PCSK5: variants seen among roughly 807,000 people sequenced by gnomAD.
PCSK5 encodes proprotein convertase subtilisin/kexin type 5.
A neutral mutation model predicts 233.2 loss-of-function variants in PCSK5; 129 were observed. The observed-to-expected ratio is 0.55, with a 90% CI of 0.48 to 0.64. PCSK5 has a LOEUF of 0.64. Ranked by LOEUF, PCSK5 falls within the 30% of genes least tolerant of loss-of-function variation. The pLI is 0.00. For synonymous variants in PCSK5, 825 were observed against 879.2 expected (o/e 0.94, Z 1.09); for missense variants, 2,076 against 2,430.1 (o/e 0.85, Z 3.06).
chr9:76,094,489 T>C (rs938308937), intron 7 of PCSK5, among the ~76,000 whole-genome samples: 2 of 152,230 alleles, frequency 1.3e-5, no homozygotes, highest in Non-Finnish European at 2.9e-5. Context: ...CCAGAAATAC[T>C]TTCCATTTTG....
At chr9:76,257,284 C>A (rs1011268258) in intron 24 of PCSK5, among the ~76,000 whole-genome samples, 1 of 152,094 alleles carries the variant, frequency 6.6e-6, no homozygotes, top group Admixed American at 6.6e-5. Flanking sequence ...GAGCTTCAAG[C>A]TCCACTGGTT....
Position 75,977,696 on chromosome 9 carries a change from C to T in PCSK5, c.298-8436C>T, listed in dbSNP as rs562138205. Among the ~76,000 whole-genome samples, 117 of 151,298 alleles carry T rather than the reference C, an allele frequency of 7.7e-4. 1 individual carries two copies. The highest frequency in any genetic ancestry group is 2.0e-3 in the African/African-American group (81 of 41,244). On this transcript the variant is annotated intron_variant, in intron 2 of 37. Coordinates refer to ENST00000674117, the MANE Select transcript of PCSK5 (RefSeq NM_001372043.1). ...CGTGATCTCAGCTCACTGCAACCTC[C>T]ACCTCCTGGGTTCAAGCAATTCTCC...
At chr9:76,038,536 GTGT>G (rs1828961543) in intron 5 of PCSK5, among the ~76,000 whole-genome samples, 1 of 152,116 alleles carries the variant, frequency 6.6e-6, no homozygotes, top group Non-Finnish European at 1.5e-5. Flanking sequence ...TGGGAAATAG[GTGT>G]TGTTATACTT....
intron 30 of PCSK5, among the ~76,000 whole-genome samples, chr9:76,311,368 T>A (rs1236790848): frequency 1.3e-5 from 2 of 150,578 alleles, no homozygotes; most frequent in Non-Finnish European, 3.0e-5. Context: ...AAAAAAAAAA[T>A]TATTTTCCCA....
chr9:76,073,773 C>G (rs1050433877), intron 7 of PCSK5, among the ~76,000 whole-genome samples: 1 of 152,048 alleles, frequency 6.6e-6, no homozygotes, highest in African/African-American at 2.4e-5. Flanking sequence ...TACTAACAGA[C>G]TAGTAGGCGT....
chr9:76,159,180 G>A lies in PCSK5; in HGVS notation c.1619+9G>A. ...CAGCTTTTGGCCAACAGGTACAGCA[G>A]TGGTCTCTGCCCACCAGTGTAGTAG... On this transcript the variant is annotated intron_variant, in intron 12 of 37. Transcript: ENST00000674117. 1 of 1,613,462 alleles carries A rather than the reference G, an allele frequency of 6.2e-7. No individual in the cohort carries two copies. Among genetic ancestry groups the A allele is most frequent in the Non-Finnish European group, 8.5e-7 (1 of 1,179,534 alleles).
rs146540550 is a variant in PCSK5 at position 76,354,334 on chromosome 9, T to C, written c.5254+115T>C. 3.7e-4 allele frequency: 283 copies of C among 756,242 alleles called. No individual in the cohort carries two copies. In the African/African-American group the frequency reaches 4.5e-3, roughly 12 times the overall value. The allele number at this position is 756,242 out of a possible 1,614,324, so 46.8% of individuals were successfully genotyped here. A position where few individuals can be genotyped will look rare whatever the true frequency, so the allele number is the denominator to read the frequency against. ...GAGAATCAATATGGCTACCTTTTTA[T>C]TGAGTGCCTACTATGGGCCTACTGT... On this transcript the variant is annotated intron_variant, in intron 37 of 37. Coordinates refer to ENST00000674117, the MANE Select transcript of PCSK5 (RefSeq NM_001372043.1).
At position 76,296,823 on chromosome 9, in the gene PCSK5, G is replaced by A. The variant is rs369174503; in HGVS notation, c.3481G>A (p.Val1161Met). 53 of 1,612,452 alleles carry A rather than the reference G, an allele frequency of 3.3e-5. No homozygotes were observed. In the African/African-American group the frequency reaches 5.1e-4, roughly 15 times the overall value. The change falls in exon 27 of 38, where the codon GTG (valine) becomes ATG (methionine). Residue 1161 changes from valine to methionine, a missense_variant. Val to Met is a conservative substitution (Grantham distance 21, BLOSUM62 1). Coordinates refer to ENST00000674117, the MANE Select transcript of PCSK5 (RefSeq NM_001372043.1). The stretch of plus-strand genomic sequence containing the variant: ...ACTGCAGCTGCTGCGTGGGATGTGC[G>A]TGCATGCCACCAAGACCCAGGAGGA... ...EGLQLLRGMCVHATKTQEEGK... is the reference protein window; with the variant it reads ...EGLQLLRGMCMHATKTQEEGK...
chr9:76,074,408 A>G (rs1830575503), intron 7 of PCSK5, among the ~76,000 whole-genome samples: 1 of 152,250 alleles, frequency 6.6e-6, no homozygotes, highest in African/African-American at 2.4e-5. Context: ...GAGTTGAGGT[A>G]GTAACAAAAG....
chr9:76,064,194 C>CA (rs1188890690), intron 5 of PCSK5, among the ~76,000 whole-genome samples: 7 of 117,132 alleles, frequency 6.0e-5, no homozygotes, highest in African/African-American at 8.0e-5. Context: ...CTGACCCCCC[C>CA]ACCTCCCTCC....
chr9:75,920,865 A>G (rs181404108), intron 1 of PCSK5, among the ~76,000 whole-genome samples: 13 of 152,250 alleles, frequency 8.5e-5, no homozygotes, highest in African/African-American at 3.1e-4. Flanking sequence ...AGCTCAAAAT[A>G]GCCTCTGTTT....
At chr9:76,055,471 A>G (rs1325394009) in intron 5 of PCSK5, among the ~76,000 whole-genome samples, 3 of 152,004 alleles carry the variant, frequency 2.0e-5, no homozygotes, top group African/African-American at 7.3e-5. Flanking sequence ...GGGATAATGC[A>G]TTTTCGGCTA....
chr9:76,095,740 T>C (rs1408114205), intron 7 of PCSK5, 150 bp from the exon 8 acceptor site: 8 of 653,496 alleles, frequency 1.2e-5, no homozygotes, highest in African/African-American at 7.2e-5. Flanking sequence ...AACCAACGCC[T>C]CTTACTCCAC....
intron 35 of PCSK5, among the ~76,000 whole-genome samples, chr9:76,350,122 A>G (rs936354209): frequency 5.3e-5 from 8 of 151,590 alleles, no homozygotes; most frequent in Admixed American, 1.3e-4. Context: ...AAAAAAAAAA[A>G]AAAGAAAGAA....
intron 32 of PCSK5, among the ~76,000 whole-genome samples, chr9:76,323,770 C>A (rs1294049614): frequency 1.3e-5 from 2 of 152,148 alleles, no homozygotes; most frequent in African/African-American, 4.8e-5. Context: ...ACCTTCCTCA[C>A]AACAGTGGCT....
At chr9:75,975,481 C>T (rs904705802) in intron 2 of PCSK5, among the ~76,000 whole-genome samples, 3 of 152,132 alleles carry the variant, frequency 2.0e-5, no homozygotes, top group South Asian at 2.1e-4. Context: ...AACGCCCTTT[C>T]CTTTGCCAGC....
intron 2 of PCSK5, among the ~76,000 whole-genome samples, chr9:75,947,841 T>C (rs996220126): frequency 6.6e-6 from 1 of 152,134 alleles, no homozygotes; most frequent in African/African-American, 2.4e-5. Context: ...ACACATTTGC[T>C]TTCTCCATGG....
intron 3 of PCSK5, among the ~76,000 whole-genome samples, chr9:76,013,717 T>C (rs1827828410): frequency 6.6e-6 from 1 of 152,176 alleles, no homozygotes; most frequent in South Asian, 2.1e-4. Context: ...AATATAACCT[T>C]GTGCTGCTTG....
chr9:76,298,255 A>G (rs1436438237), intron 27 of PCSK5, among the ~76,000 whole-genome samples: 7 of 152,124 alleles, frequency 4.6e-5, no homozygotes, highest in Non-Finnish European at 2.9e-5. Context: ...ACCAGGCTTC[A>G]GTGGTTCCCT....
Sources: allele counts gnomAD v4.1 joint callset (sites outside exome capture counted in the v4.1 genomes callset), GRCh38; gene constraint gnomAD v4.1.1; transcripts MANE v1.5; gene names NCBI Gene and HGNC (gene_info 2026-07-23, HGNC 2026-07-21).